Variants in PDLIM5 observed in about 807,000 individuals in gnomAD.
PDLIM5 encodes PDZ and LIM domain 5, also known as PDZ and LIM domain protein 5.
Under a neutral mutation model 64.2 loss-of-function variants are expected in PDLIM5, and 34 were observed. That is an observed-to-expected ratio of 0.53 (90% confidence interval 0.40 to 0.71). The LOEUF (loss-of-function observed/expected upper bound fraction) is 0.71. PDLIM5 is among the 30% of genes least tolerant of loss of function. The pLI is 0.00. For synonymous variants in PDLIM5, 253 were observed against 269.1 expected (o/e 0.94, Z 0.59); for missense variants, 683 against 733.6 (o/e 0.93, Z 0.80).
intron 3 of PDLIM5, among the ~76,000 whole-genome samples, chr4:94,539,506 G>T (rs948807886): frequency 4.6e-5 from 7 of 152,114 alleles, no homozygotes; most frequent in African/African-American, 1.7e-4. Flanking sequence ...GGTATGCCAG[G>T]TCTACGGTAG....
intron 7 of PDLIM5, among the ~76,000 whole-genome samples, chr4:94,591,471 C>T (rs1439969665): frequency 6.6e-6 from 1 of 152,162 alleles, no homozygotes; most frequent in Admixed American, 6.5e-5. Flanking sequence ...GGACTTGATA[C>T]CTCTGCTGAT....
chr4:94,453,683 CCTT>C (rs972378368), intron 1 of PDLIM5, among the ~76,000 whole-genome samples: 2 of 152,072 alleles, frequency 1.3e-5, no homozygotes, highest in Non-Finnish European at 2.9e-5. Context: ...TCAGGACAGT[CCTT>C]CTATTAGTTT....
chr4:94,492,972 C>T (rs572970523), intron 2 of PDLIM5, among the ~76,000 whole-genome samples: 3 of 152,090 alleles, frequency 2.0e-5, no homozygotes, highest in Non-Finnish European at 4.4e-5. Flanking sequence ...CTGGGTGCAC[C>T]ATTTTAACTT....
chr4:94,573,508 A>T (rs1734985539), intron 4 of PDLIM5, 115 bp downstream of exon 4: 7 of 893,392 alleles, frequency 7.8e-6, no homozygotes, highest in Non-Finnish European at 1.3e-5. Context: ...GTCTCAGTAC[A>T]ATTTTCCTTG....
At chr4:94,542,896 A>C (rs1731949574) in intron 3 of PDLIM5, among the ~76,000 whole-genome samples, 1 of 152,224 alleles carries the variant, frequency 6.6e-6, no homozygotes. Context: ...CTAATTTAAA[A>C]AATATACTTA....
At chr4:94,504,676 T>G (rs571674758) in intron 2 of PDLIM5, among the ~76,000 whole-genome samples, 5 of 152,314 alleles carry the variant, frequency 3.3e-5, no homozygotes, top group African/African-American at 1.2e-4. Flanking sequence ...ACCAGTAACT[T>G]GTTAAATACA....
intron 8 of PDLIM5, among the ~76,000 whole-genome samples, chr4:94,639,024 G>A (rs1397544029): frequency 4.6e-5 from 7 of 152,302 alleles, no homozygotes; most frequent in South Asian, 2.1e-4. Flanking sequence ...TATGGAGAGC[G>A]TTGGGGAGAA....
intron 8 of PDLIM5, among the ~76,000 whole-genome samples, chr4:94,619,233 C>G (rs1578481996): frequency 2.0e-5 from 3 of 152,274 alleles, no homozygotes; most frequent in East Asian, 1.9e-4. Flanking sequence ...TCATCAGAGC[C>G]ATTGCTTTGA....
At chr4:94,509,757 A>T (rs1343239152) in intron 2 of PDLIM5, among the ~76,000 whole-genome samples, 1 of 152,188 alleles carries the variant, frequency 6.6e-6, no homozygotes, top group African/African-American at 2.4e-5. Flanking sequence ...GCACGGGAGA[A>T]AGATGTAGGC....
chr4:94,517,218 A>G (rs1729438181), intron 2 of PDLIM5, among the ~76,000 whole-genome samples: 2 of 152,152 alleles, frequency 1.3e-5, no homozygotes, highest in Non-Finnish European at 2.9e-5. Context: ...GTTCTGTGAA[A>G]GTTCTCTGTC....
chr4:94,587,321 T>C, intron 7 of PDLIM5: 1 of 1,280,596 alleles, frequency 7.8e-7, no homozygotes, highest in African/African-American at 1.6e-5. Flanking sequence ...GGACTAGATC[T>C]ATTTGTGGAT....
chr4:94,509,391 T>C (rs1728669969), intron 2 of PDLIM5, among the ~76,000 whole-genome samples: 1 of 152,190 alleles, frequency 6.6e-6, no homozygotes, highest in African/African-American at 2.4e-5. Context: ...CATATTTATG[T>C]TTATTTGTTG....
At chr4:94,538,694 A>G (rs1731523205) in intron 3 of PDLIM5, among the ~76,000 whole-genome samples, 1 of 152,206 alleles carries the variant, frequency 6.6e-6, no homozygotes, top group Non-Finnish European at 1.5e-5. Context: ...TAAAGAAACC[A>G]GCATGTTTTC....
intron 2 of PDLIM5, among the ~76,000 whole-genome samples, chr4:94,461,556 G>A (rs1401056077): frequency 6.6e-6 from 1 of 151,882 alleles, no homozygotes; most frequent in Admixed American, 6.6e-5. Flanking sequence ...ACTAAGAATG[G>A]ACAAAGCAGA....
At chr4:94,549,586 AT>A (rs1257863881) in intron 3 of PDLIM5, among the ~76,000 whole-genome samples, 3 of 152,228 alleles carry the variant, frequency 2.0e-5, no homozygotes, top group Non-Finnish European at 4.4e-5. Context: ...AATATGTATT[AT>A]TATGAACAGT....
At chr4:94,527,290 C>T (rs1362507832) in intron 3 of PDLIM5, among the ~76,000 whole-genome samples, 1 of 149,522 alleles carries the variant, frequency 6.7e-6, no homozygotes, top group Non-Finnish European at 1.5e-5. Context: ...CTCTTGACCC[C>T]GTGATCTGCC....
intron 2 of PDLIM5, among the ~76,000 whole-genome samples, chr4:94,488,856 A>T (rs1019491649): frequency 2.0e-5 from 3 of 152,216 alleles, no homozygotes; most frequent in African/African-American, 7.2e-5. Flanking sequence ...AAAGTGCTTC[A>T]ATCTTTACTA....
At chr4:94,605,932 T>C (rs1737881262) in intron 7 of PDLIM5, among the ~76,000 whole-genome samples, 1 of 151,650 alleles carries the variant, frequency 6.6e-6, no homozygotes, top group Non-Finnish European at 1.5e-5. Flanking sequence ...TATTTTCTTT[T>C]TTCCTGAAAT....
At chr4:94,632,127 A>C (rs1740204575) in intron 8 of PDLIM5, among the ~76,000 whole-genome samples, 1 of 152,268 alleles carries the variant, frequency 6.6e-6, no homozygotes, top group Non-Finnish European at 1.5e-5. Flanking sequence ...CCTTTCTGGC[A>C]GTTATCCCAC....
Sources: allele counts gnomAD v4.1 joint callset (sites outside exome capture counted in the v4.1 genomes callset), GRCh38; gene constraint gnomAD v4.1.1; transcripts MANE v1.5; gene names NCBI Gene and HGNC (gene_info 2026-07-23, HGNC 2026-07-21).